TNNI3K: variants seen among roughly 807,000 people sequenced by gnomAD.
TNNI3K encodes the protein serine/threonine-protein kinase TNNI3K.
TNNI3K carries 140 observed loss-of-function variants against 114.5 expected under a neutral mutation model. That is an observed-to-expected ratio of 1.22 (90% CI 1.07 to 1.41). TNNI3K has a LOEUF of 1.41. Among genes scored for constraint, TNNI3K ranks in the 40% most tolerant of loss-of-function variants. TNNI3K has a pLI of 0.00. For missense variants in TNNI3K, 1,125 were observed against 1,007.6 expected (o/e 1.12, Z -1.58); for synonymous variants, 347 against 347.5 (o/e 1.00, Z 0.02).
chr1:74,374,327 G>A (rs1182413538), intron 17 of TNNI3K: 1 of 151,890 alleles, frequency 6.6e-6, no homozygotes, highest in African/African-American at 2.4e-5. Flanking sequence ...CCATATGAAA[G>A]GAGCTTTGCT....
intron 17 of TNNI3K, among the ~76,000 whole-genome samples, chr1:74,381,005 T>C (rs1663174443): frequency 6.6e-6 from 1 of 152,184 alleles, no homozygotes; most frequent in South Asian, 2.1e-4. Flanking sequence ...AAGAGCTAGC[T>C]ATACTTTGAA....
intron 23 of TNNI3K, among the ~76,000 whole-genome samples, chr1:74,497,118 T>C (rs1016373991): frequency 3.3e-5 from 5 of 152,282 alleles, no homozygotes; most frequent in African/African-American, 9.6e-5. Context: ...TTATAAAAGT[T>C]GAATATAACT....
chr1:74,335,014 C>T (rs961710150), intron 6 of TNNI3K, among the ~76,000 whole-genome samples: 6 of 152,198 alleles, frequency 3.9e-5, no homozygotes, highest in Admixed American at 3.9e-4. Flanking sequence ...TCCCTAGCAT[C>T]TCATCTAGCC....
intron 21 of TNNI3K, among the ~76,000 whole-genome samples, chr1:74,467,056 G>C (rs1045081259): frequency 1.7e-4 from 26 of 152,142 alleles, no homozygotes; most frequent in Admixed American, 3.3e-4. Flanking sequence ...GTTAGTGAAG[G>C]CTTCCCAAAA....
intron 17 of TNNI3K, among the ~76,000 whole-genome samples, chr1:74,419,341 A>G (rs1359085564): frequency 1.3e-5 from 2 of 152,148 alleles, no homozygotes; most frequent in Non-Finnish European, 2.9e-5. Context: ...CTCATCTCAA[A>G]AAACTTAATT....
intron 7 of TNNI3K, among the ~76,000 whole-genome samples, chr1:74,341,107 C>A (rs1660726898): frequency 6.6e-6 from 1 of 152,072 alleles, no homozygotes; most frequent in South Asian, 2.1e-4. Context: ...AACAATAAAA[C>A]AAATGGCTTT....
rs147256710 is a variant in TNNI3K at position 74,415,147 on chromosome 1, T to C, written c.1773-20933T>C. ...CATGCCCAATTTTAGGCCTTTGCAC[T>C]TGCCGCTCCCTCAGGTTGAAACAGT... On this transcript the variant is annotated intron_variant, in intron 17 of 24. Transcript: ENST00000326637. Among the ~76,000 whole-genome samples, 372 of 152,268 alleles carry C rather than the reference T, an allele frequency of 2.4e-3. 2 individuals are homozygous for C. Among genetic ancestry groups the C allele is most frequent in the Middle Eastern group, 0.014 (4 of 294 alleles).
chr1:74,442,932 T>C (rs1345336425), intron 20 of TNNI3K, among the ~76,000 whole-genome samples: 7 of 151,666 alleles, frequency 4.6e-5, no homozygotes, highest in Non-Finnish European at 1.5e-5. Flanking sequence ...AAAATGAAAT[T>C]AAGGCAGAGA....
At chr1:74,235,587 A>G (rs1356010383) in intron 1 of TNNI3K, 96 bp downstream of exon 1, 6 of 673,588 alleles carry the variant, frequency 8.9e-6, no homozygotes, top group Non-Finnish European at 5.0e-6. Flanking sequence ...GTTAATTTGT[A>G]TACGGAAGAT....
In TNNI3K at chr1:74,250,657, A is replaced by T. The variant is rs906477560; in HGVS notation, c.236-15A>T. Reference sequence around the variant, plus strand: ...CCCCACAATGATTTAGCCTTTTTTCATTTTTCTCTTTAAGGCAAGAAATCA... The same window carrying T: ...CCCCACAATGATTTAGCCTTTTTTCTTTTTTCTCTTTAAGGCAAGAAATCA... On this transcript the variant is annotated splice_polypyrimidine_tract_variant and intron_variant, in intron 3 of 24. Transcript: ENST00000326637. The T allele has an allele frequency of 1.2e-6, 2 of 1,604,824 alleles. No homozygotes were observed. Among genetic ancestry groups the T allele is most frequent in the Admixed American group, 1.7e-5 (1 of 57,534 alleles).
intron 17 of TNNI3K, among the ~76,000 whole-genome samples, chr1:74,402,131 G>A (rs1374199126): frequency 6.6e-6 from 1 of 152,044 alleles, no homozygotes; most frequent in Non-Finnish European, 1.5e-5. Context: ...AGTGTAGACA[G>A]ACAAAAACAC....
chr1:74,475,236 G>T, intron 21 of TNNI3K: 1 of 611,290 alleles, frequency 1.6e-6, no homozygotes, highest in Non-Finnish European at 3.0e-6. Context: ...AAGGAGGGAG[G>T]CTCCCTCCTT....
chr1:74,315,909 T>C (rs1289360310), intron 5 of TNNI3K, among the ~76,000 whole-genome samples: 2 of 152,176 alleles, frequency 1.3e-5, no homozygotes, highest in African/African-American at 2.4e-5. Context: ...TCAACACTTA[T>C]TGACCACTAT....
Position 74,279,348 on chromosome 1 carries a change from A to T in TNNI3K, c.444+7640A>T, listed in dbSNP as rs1033792412. Among the ~76,000 whole-genome samples the T allele has an allele frequency of 3.3e-5, 5 of 152,192 alleles. No homozygotes were observed. In the South Asian group the frequency reaches 1.0e-3, roughly 32 times the overall value. On this transcript the variant is annotated intron_variant, in intron 5 of 24. Transcript: ENST00000326637. The stretch of plus-strand genomic sequence containing the variant: ...TTGCGGTTAGCTTTTTGTAGTTAAA[A>T]TTTTAGTAATCAGTTCATAGGCTAA...
chr1:74,286,424 G>C (rs559766206), intron 5 of TNNI3K, among the ~76,000 whole-genome samples: 21 of 152,256 alleles, frequency 1.4e-4, no homozygotes, highest in South Asian at 2.1e-4. Context: ...CCCAGTGCCA[G>C]GAAGGCCCCC....
intron 17 of TNNI3K, chr1:74,418,185 A>G (rs1162890026): frequency 2.2e-6 from 1 of 454,290 alleles, no homozygotes; most frequent in Non-Finnish European, 4.4e-6. Flanking sequence ...TGAACTATGT[A>G]TGTGATTGCT....
At chr1:74,430,611 C>A (rs924729155) in intron 17 of TNNI3K, among the ~76,000 whole-genome samples, 1 of 152,060 alleles carries the variant, frequency 6.6e-6, no homozygotes, top group Admixed American at 6.6e-5. Flanking sequence ...ATTTTGTATT[C>A]CACTAAGTGC....
At chr1:74,342,478 C>CT (rs1660794891) in intron 7 of TNNI3K, among the ~76,000 whole-genome samples, 1 of 152,068 alleles carries the variant, frequency 6.6e-6, no homozygotes, top group African/African-American at 2.4e-5. Context: ...ATCTGTAATT[C>CT]TTAACATCAT....
chr1:74,358,950 T>G (rs1661807087), intron 11 of TNNI3K, among the ~76,000 whole-genome samples: 1 of 152,004 alleles, frequency 6.6e-6, no homozygotes, highest in Non-Finnish European at 1.5e-5. Context: ...TATATATAAT[T>G]TAATCAAAAT....
Sources: allele counts gnomAD v4.1 joint callset (sites outside exome capture counted in the v4.1 genomes callset), GRCh38; gene constraint gnomAD v4.1.1; transcripts MANE v1.5; gene names NCBI Gene and HGNC (gene_info 2026-07-23, HGNC 2026-07-21).